RRP1: variants seen among roughly 807,000 people sequenced by gnomAD.
RRP1 encodes the protein ribosomal RNA processing 1, also known as ribosomal RNA processing protein 1 homolog A.
A neutral mutation model predicts 54.6 loss-of-function variants in RRP1; 37 were observed. That is an observed-to-expected ratio of 0.68 (90% CI 0.52 to 0.89). RRP1 has a LOEUF of 0.89. Ranked by LOEUF, RRP1 falls within the 40% of genes least tolerant of loss-of-function variation. The pLI is 0.00. For missense variants in RRP1, 639 were observed against 612.5 expected, an observed-to-expected ratio of 1.04 and a Z score of -0.46; for synonymous variants, 262 against 244.3, an observed-to-expected ratio of 1.07 and a Z score of -0.67.
At chr21:43,794,210 G>A (rs2084991514) in intron 4 of RRP1, among the ~76,000 whole-genome samples, 1 of 152,198 alleles carries the variant, frequency 6.6e-6, no homozygotes, top group Non-Finnish European at 1.5e-5. Flanking sequence ...GGGCGGGAAA[G>A]GCCTGGAGCT....
intron 1 of RRP1, 22 bp from the exon 2 acceptor site, chr21:43,791,328 A>G (rs758804694): frequency 2.5e-6 from 4 of 1,613,120 alleles, no homozygotes; most frequent in Non-Finnish European, 3.4e-6. Flanking sequence ...CATTTGGTCC[A>G]ACCGTTGCTG....
chr21:43,798,655 G>A lies in RRP1; in HGVS notation c.811+555G>A, dbSNP rs192508360. Among the ~76,000 whole-genome samples, 427 of 152,142 alleles carry A rather than the reference G, an allele frequency of 2.8e-3. 1 individual carries two copies. Among genetic ancestry groups the A allele is most frequent in the African/African-American group, 9.9e-3 (411 of 41,514 alleles). ...CCTGACTGCTCTGTGTGCAGTGTGTGTGAGGGGCAGGTGTACTCACCTGCC... is the reference window on the plus strand; with the variant it reads ...CCTGACTGCTCTGTGTGCAGTGTGTATGAGGGGCAGGTGTACTCACCTGCC... On this transcript the variant is annotated intron_variant, in intron 8 of 12. Coordinates refer to ENST00000497547, the MANE Select transcript of RRP1 (RefSeq NM_003683.6).
chr21:43,803,591 G>A lies in RRP1; in HGVS notation c.1203G>A (p.Glu401=), dbSNP rs542689015. Residue 401 remains glutamate (E), a synonymous_variant, in exon 13 of 13, where the codon GAG becomes GAA. Transcript: ENST00000497547. ...SRRRGVGADP[E]ARAEAGEQPG... is the part of the protein sequence containing the mutation. ...GGAGGGGTGTAGGGGCCGACCCCGA[G>A]GCGCGGGCAGAGGCTGGTGAGCAGC... 2.3e-5 allele frequency: 36 copies of A among 1,552,374 alleles called. No individual in the cohort carries two copies. In the South Asian group the frequency reaches 4.2e-4, roughly 18 times the overall value.
intron 8 of RRP1, among the ~76,000 whole-genome samples, chr21:43,799,059 C>T (rs1453288707): frequency 6.6e-6 from 1 of 152,176 alleles, no homozygotes; most frequent in Non-Finnish European, 1.5e-5. Context: ...ACCCTTGTCA[C>T]ATGCTGCCCC....
At chr21:43,796,141 T>C (rs2085016485) in intron 5 of RRP1, among the ~76,000 whole-genome samples, 1 of 152,070 alleles carries the variant, frequency 6.6e-6, no homozygotes, top group Admixed American at 6.6e-5. Context: ...TTTTGTTTTT[T>C]TTTTTTAAAG....
chr21:43,799,770 C>A, intron 9 of RRP1, 121 bp downstream of exon 9: 2 of 918,524 alleles, frequency 2.2e-6, no homozygotes, highest in Admixed American at 2.1e-5. Flanking sequence ...GAGAGTTACC[C>A]GGACAGGGGT....
intron 8 of RRP1, 51 bp from the exon 9 acceptor site, chr21:43,799,519 G>A: frequency 6.4e-7 from 1 of 1,560,870 alleles, no homozygotes; most frequent in Non-Finnish European, 8.7e-7. Context: ...GATGTTTGGG[G>A]CCAGCACACG....
intron 2 of RRP1, 112 bp from the exon 3 acceptor site, chr21:43,792,560 G>T (rs748954664): frequency 2.1e-5 from 22 of 1,058,908 alleles, no homozygotes; most frequent in Non-Finnish European, 2.9e-5. Flanking sequence ...CCTGGAAGCC[G>T]ACTCTCTGTG....
In RRP1 at chr21:43,802,159, T is replaced by C; in HGVS notation, c.1010-115T>C. On this transcript the variant is annotated intron_variant, in intron 11 of 12. Transcript: ENST00000497547. ...GCTCCTGGGCATTAGAACAGGGCGC[T>C]TTCTCACACACATTGTCAGGAGGTG... The C allele has an allele frequency of 4.2e-6, 3 of 717,680 alleles. No individual in the cohort carries two copies. In the South Asian group the frequency reaches 4.8e-5, roughly 12 times the overall value. The allele number at this position is 717,680 out of a possible 1,614,324, so 44.5% of individuals were successfully genotyped here. A position where few individuals can be genotyped will look rare whatever the true frequency, so the allele number is the denominator to read the frequency against.
intron 8 of RRP1, among the ~76,000 whole-genome samples, chr21:43,798,901 AC>A (rs922124289): frequency 1.3e-5 from 2 of 148,990 alleles, no homozygotes; most frequent in East Asian, 2.0e-4. Flanking sequence ...TAATCAGAAG[AC>A]CCCCTCCCCA....
At position 43,800,584 on chromosome 21, in the gene RRP1, A is replaced by C; in HGVS notation, c.959A>C (p.Asn320Thr). The C allele has an allele frequency of 1.2e-6, 2 of 1,614,268 alleles. No homozygotes were observed. The highest frequency in any genetic ancestry group is 1.7e-6 in the Non-Finnish European group (2 of 1,180,050). The change falls in exon 10 of 13, where the codon AAC becomes ACC. Residue 320 changes from asparagine to threonine, a missense_variant. Asn to Thr is a moderately conservative substitution (Grantham distance 65, BLOSUM62 0). Transcript: ENST00000497547. ...MASRQSTPSQ[N>T]RKRLYKVIRK... ...AGCCGCCAGAGCACCCCTTCTCAGA[A>C]CAGAAAGCGTCTCTACAAAGTGATC... is the stretch of plus-strand genomic sequence containing the variant.
chr21:43,792,869 G>C, intron 3 of RRP1, 140 bp downstream of exon 3: 2 of 842,072 alleles, frequency 2.4e-6, no homozygotes, highest in Non-Finnish European at 2.0e-6. Context: ...GCTGGTGTCT[G>C]TGGGTGCTTA....
intron 3 of RRP1, 180 bp from the exon 4 acceptor site, chr21:43,793,139 T>C: frequency 1.6e-6 from 1 of 613,734 alleles, no homozygotes; most frequent in Non-Finnish European, 2.9e-6. Context: ...TTGAGGAGCC[T>C]CTAAAAATCC....
rs2085123900 is a variant in RRP1 at position 43,804,381 on chromosome 21, C to T, written c.*607C>T. ...GGGAAGACCTGGCTTCCGCGAGAGC[C>T]TTGTTCCTGGAGGCAGGAGCGCCCC... On this transcript the variant is annotated 3_prime_UTR_variant, in exon 13 of 13. Transcript: ENST00000497547. This position sits in a 1 kb window ranked among gnomAD's most constrained non-coding sequence, Gnocchi z 4.3. The T allele has an allele frequency of 6.6e-6, 1 of 152,374 alleles. No homozygotes were observed. The highest frequency in any genetic ancestry group is 2.4e-5 in the African/African-American group (1 of 41,452). The allele number at this position is 152,374 out of a possible 1,614,324, so 9.4% of individuals were successfully genotyped here.
intron 4 of RRP1, among the ~76,000 whole-genome samples, chr21:43,794,727 G>A (rs973652179): frequency 2.6e-5 from 4 of 152,210 alleles, no homozygotes; most frequent in Non-Finnish European, 5.9e-5. Flanking sequence ...GTAGTGGACC[G>A]CAGAGGAAGT....
intron 12 of RRP1, chr21:43,802,596 T>G: frequency 1.8e-6 from 1 of 550,624 alleles, no homozygotes; most frequent in Non-Finnish European, 3.3e-6. Flanking sequence ...ACCTTCCTTG[T>G]CTGCAGCTCC....
chr21:43,795,039 A>T, intron 4 of RRP1, 150 bp from the exon 5 acceptor site: 1 of 723,734 alleles, frequency 1.4e-6, no homozygotes, highest in East Asian at 2.6e-5. Flanking sequence ...TCTGTCTGTC[A>T]GCAGCTCTGG....
intron 11 of RRP1, 87 bp downstream of exon 11, chr21:43,800,968 T>C: frequency 7.1e-7 from 1 of 1,406,354 alleles, no homozygotes; most frequent in Non-Finnish European, 1.0e-6. Flanking sequence ...AGGGGTCTCA[T>C]AGCACGTGGA....
rs201857663 is a variant in RRP1, at chr21:43,798,046, G to T, written c.757G>T (p.Gly253Cys). The change falls in exon 8 of 13, where the codon GGT becomes TGT. Residue 253 changes from glycine to cysteine, a missense_variant. By Grantham distance (159) the Gly-to-Cys change is radical (BLOSUM62 -3). Transcript: ENST00000497547. Reference protein sequence around the residue: ...VASDSDESSEGGERGDALSQK... With the variant: ...VASDSDESSECGERGDALSQK... ...GTCGGACAGTGATGAGTCCTCTGAG[G>T]GTGGTGAGCGTGGAGACGCGCTGTC... The T allele has an allele frequency of 6.2e-7, 1 of 1,614,130 alleles. No individual in the cohort carries two copies. The highest frequency in any genetic ancestry group is 1.1e-5 in the South Asian group (1 of 91,080).
Sources: gnomAD v4.1 joint callset for allele counts (sites outside exome capture counted in the v4.1 genomes callset) on GRCh38, gnomAD v4.1.1 for gene constraint, Gnocchi (gnomAD v3.1) non-coding constraint, MANE v1.5 for transcripts, NCBI Gene and HGNC (gene_info 2026-07-23, HGNC 2026-07-21) for gene names.